Variants in FHOD3 observed in about 807,000 individuals in gnomAD.
FHOD3 encodes FH1/FH2 domain-containing protein 3.
In FHOD3, 90 loss-of-function variants were observed where a neutral mutation model predicts 173.0. The observed-to-expected ratio is 0.52, with a 90% CI of 0.44 to 0.62. The LOEUF (loss-of-function observed/expected upper bound fraction) is 0.62. Among genes scored for constraint, FHOD3 ranks in the 20% least tolerant of loss-of-function variants. FHOD3 has a pLI of 0.00. For missense variants in FHOD3, 1,945 were observed against 2,034.7 expected, an observed-to-expected ratio of 0.96 and a Z score of 0.85; for synonymous variants, 828 against 823.0, an observed-to-expected ratio of 1.01 and a Z score of -0.10.
chr18:36,562,930 C>T (rs920332240), intron 5 of FHOD3, among the ~76,000 whole-genome samples: 3 of 152,102 alleles, frequency 2.0e-5, no homozygotes, highest in South Asian at 2.1e-4. Flanking sequence ...TGATGATTCT[C>T]CTCTGTGGAC....
At chr18:36,636,887 G>T (rs1457467097) in intron 10 of FHOD3, among the ~76,000 whole-genome samples, 1 of 152,098 alleles carries the variant, frequency 6.6e-6, no homozygotes, top group Non-Finnish European at 1.5e-5. Context: ...CCAGACTTCA[G>T]AAGCTATTTT....
At chr18:36,623,242 G>A (rs1016013448) in intron 9 of FHOD3, among the ~76,000 whole-genome samples, 13 of 152,176 alleles carry the variant, frequency 8.5e-5, no homozygotes, top group Non-Finnish European at 1.6e-4. Flanking sequence ...TGAGTAGAAC[G>A]TCACTTGATC....
intron 4 of FHOD3, among the ~76,000 whole-genome samples, chr18:36,506,275 G>A (rs1056105080): frequency 5.9e-5 from 9 of 152,236 alleles, no homozygotes; most frequent in Admixed American, 4.6e-4. Context: ...ACACTTTTTT[G>A]AACAGCATGC....
chr18:36,427,210 T>C (rs1013490177), intron 3 of FHOD3, among the ~76,000 whole-genome samples: 11 of 147,474 alleles, frequency 7.5e-5, no homozygotes, highest in African/African-American at 2.5e-4. Context: ...ATTTTAAATA[T>C]GGTAACTATG....
intron 17 of FHOD3, among the ~76,000 whole-genome samples, chr18:36,702,104 A>T (rs1472833137): frequency 2.6e-5 from 4 of 152,216 alleles, no homozygotes; most frequent in Non-Finnish European, 5.9e-5. Context: ...ATCCTCATGC[A>T]ACTATTCCTG....
At chr18:36,664,814 G>GAGAGAGAGAGAT (rs766704398) in intron 14 of FHOD3, among the ~76,000 whole-genome samples, 24 of 146,744 alleles carry the variant, frequency 1.6e-4, no homozygotes, top group Non-Finnish European at 3.3e-4. Context: ...GAGAGAGAGA[G>GAGAGAGAGAGAT]ATTGAGATTG....
chr18:36,352,132 C>T (rs1337221093), intron 1 of FHOD3, among the ~76,000 whole-genome samples: 1 of 151,974 alleles, frequency 6.6e-6, no homozygotes, highest in African/African-American at 2.4e-5. Flanking sequence ...ATTAAATTGG[C>T]TAGGCACAAT....
At chr18:36,563,802 G>A (rs2058171292) in intron 5 of FHOD3, among the ~76,000 whole-genome samples, 1 of 152,080 alleles carries the variant, frequency 6.6e-6, no homozygotes, top group African/African-American at 2.4e-5. Context: ...CATCCTTTAA[G>A]GTATGTTTCT....
At chr18:36,758,990 G>C in intron 25 of FHOD3, 128 bp from the exon 26 acceptor site, 5 of 992,902 alleles carry the variant, frequency 5.0e-6, no homozygotes, top group Non-Finnish European at 7.6e-6. Flanking sequence ...GATGTATCCT[G>C]GTTGTGGTGA....
Position 36,695,066 on chromosome 18 carries a change from G to C in FHOD3, c.2236+1643G>C, listed in dbSNP as rs961438334. ...GCTTTCAAAAGAATATTTGCAGCTG[G>C]GCACAGTGGCTCTTGCGTGTAATCC... On this transcript the variant is annotated intron_variant, in intron 17 of 28. Coordinates refer to ENST00000590592, the MANE Select transcript of FHOD3 (RefSeq NM_001281740.3). Among the ~76,000 whole-genome samples, 16 of 152,022 alleles carry C rather than the reference G, an allele frequency of 1.1e-4. 1 individual carries two copies. The highest frequency in any genetic ancestry group is 3.6e-4 in the African/African-American group (15 of 41,450).
chr18:36,393,052 G>C (rs921357395), intron 3 of FHOD3, among the ~76,000 whole-genome samples: 1 of 152,204 alleles, frequency 6.6e-6, no homozygotes, highest in Non-Finnish European at 1.5e-5. Flanking sequence ...CATGACCTTT[G>C]AGAAAGAAAG....
At chr18:36,559,536 C>A (rs1568426654) in intron 5 of FHOD3, among the ~76,000 whole-genome samples, 1 of 152,200 alleles carries the variant, frequency 6.6e-6, no homozygotes, top group Non-Finnish European at 1.5e-5. Flanking sequence ...TCTTCCATAC[C>A]CCTCTGCACT....
intron 14 of FHOD3, among the ~76,000 whole-genome samples, chr18:36,663,929 A>G (rs1009556672): frequency 2.6e-5 from 4 of 152,118 alleles, no homozygotes; most frequent in Non-Finnish European, 5.9e-5. Flanking sequence ...TTTGGCTTTT[A>G]TCATTTCCTT....
intron 1 of FHOD3, among the ~76,000 whole-genome samples, chr18:36,331,457 A>T (rs1469239548): frequency 6.6e-6 from 1 of 152,196 alleles, no homozygotes; most frequent in African/African-American, 2.4e-5. Flanking sequence ...TGGGATGGAT[A>T]TTAGGGGCAG....
intron 1 of FHOD3, among the ~76,000 whole-genome samples, chr18:36,304,529 A>G (rs1296589764): frequency 6.6e-6 from 1 of 152,156 alleles, no homozygotes; most frequent in Non-Finnish European, 1.5e-5. Context: ...TGTGTTTTCT[A>G]TGGCTGAGAT....
At chr18:36,730,611 G>T in intron 19 of FHOD3, 35 bp from the exon 20 acceptor site, 1 of 1,595,382 alleles carries the variant, frequency 6.3e-7, no homozygotes. Context: ...CCAAGATGAT[G>T]CATTAATCTT....
At chr18:36,555,590 G>C (rs374688817) in intron 5 of FHOD3, among the ~76,000 whole-genome samples, 1 of 152,020 alleles carries the variant, frequency 6.6e-6, no homozygotes, top group Admixed American at 6.6e-5. Flanking sequence ...CTTATTTTCT[G>C]TCTCCTTTCA....
intron 27 of FHOD3, among the ~76,000 whole-genome samples, chr18:36,767,412 C>T (rs568072967): frequency 6.6e-5 from 10 of 152,256 alleles, no homozygotes; most frequent in South Asian, 2.1e-4. Context: ...CTCTGTCTCC[C>T]GGGTTCAAGA....
chr18:36,331,493 C>CA (rs1190980162), intron 1 of FHOD3, among the ~76,000 whole-genome samples: 1 of 152,174 alleles, frequency 6.6e-6, no homozygotes, highest in African/African-American at 2.4e-5. Flanking sequence ...AGTCTGGAGC[C>CA]AGTCAGGAGT....
Sources: allele counts gnomAD v4.1 joint callset (sites outside exome capture counted in the v4.1 genomes callset), GRCh38; gene constraint gnomAD v4.1.1; transcripts MANE v1.5; gene names NCBI Gene and HGNC (gene_info 2026-07-23, HGNC 2026-07-21).